LRP5: variants seen among roughly 807,000 people sequenced by gnomAD.
LRP5 encodes the protein low-density lipoprotein receptor-related protein 5.
A neutral mutation model predicts 154.1 loss-of-function variants in LRP5; 62 were observed. That is an observed-to-expected ratio of 0.40 (90% CI 0.33 to 0.50). The LOEUF (loss-of-function observed/expected upper bound fraction) is 0.50. Ranked by LOEUF, LRP5 falls within the 20% of genes least tolerant of loss-of-function variation. The pLI is 0.55. For missense variants in LRP5, 1,915 were observed against 2,336.7 expected (o/e 0.82, Z 3.72); for synonymous variants, 966 against 1,011.5 (o/e 0.96, Z 0.85).
At chr11:68,448,765 G>T (rs1479872521) in intron 22 of LRP5, 44 bp from the exon 23 acceptor site, 1 of 1,599,590 alleles carries the variant, frequency 6.3e-7, no homozygotes, top group South Asian at 1.1e-5. Flanking sequence ...CACCAGGGCG[G>T]ATGTGCCTAC....
intron 13 of LRP5, among the ~76,000 whole-genome samples, chr11:68,422,947 G>A (rs1353107650): frequency 1.3e-5 from 2 of 152,080 alleles, no homozygotes; most frequent in Non-Finnish European, 2.9e-5. Flanking sequence ...GTTGGGGAAG[G>A]GGTTGTAAGG....
chr11:68,403,995 C>T (rs1486452439), intron 8 of LRP5: 9 of 515,144 alleles, frequency 1.7e-5, no homozygotes, highest in Admixed American at 9.7e-5. Flanking sequence ...ACAGTGACCC[C>T]GTCTGCAAAT....
At chr11:68,338,879 T>TG (rs2098607227) in intron 1 of LRP5, among the ~76,000 whole-genome samples, 1 of 139,662 alleles carries the variant, frequency 7.2e-6, no homozygotes, top group Non-Finnish European at 1.5e-5. Context: ...TTTTTTTTTT[T>TG]TTTTTTTTTT....
chr11:68,308,256 G>GC (rs2098585154), upstream of LRP5, among the ~76,000 whole-genome samples: 1 of 151,714 alleles, frequency 6.6e-6, no homozygotes, highest in African/African-American at 2.4e-5. Context: ...CTGCCGGGTT[G>GC]GGGGGGGCTC....
At chr11:68,322,855 G>A (rs567796124) in intron 1 of LRP5, among the ~76,000 whole-genome samples, 1 of 152,308 alleles carries the variant, frequency 6.6e-6, no homozygotes, top group African/African-American at 2.4e-5. Context: ...TGCAGTAAGA[G>A]CCCATATTTC....
rs1423946007 is a variant in LRP5 at position 68,447,585 on chromosome 11, C to G, written c.4586+1052C>G. ...ACATCCACACTGGGCAGCCCAGTCT[C>G]GCTAGTTCCTCGTCCCACCTCCTGC... On this transcript the variant is annotated intron_variant, in intron 22 of 22. Coordinates refer to ENST00000294304, the MANE Select transcript of LRP5 (RefSeq NM_002335.4). This position sits in a 1 kb window ranked among gnomAD's most constrained non-coding sequence, Gnocchi z 4.3. 6.6e-6 allele frequency among the ~76,000 whole-genome samples: 1 copy of G among 152,172 alleles called. No homozygotes were observed. The highest frequency in any genetic ancestry group is 1.5e-5 in the Non-Finnish European group (1 of 68,030).
intron 1 of LRP5, among the ~76,000 whole-genome samples, chr11:68,317,457 GC>G (rs1351272625): frequency 6.6e-6 from 1 of 152,206 alleles, no homozygotes; most frequent in Admixed American, 6.5e-5. Flanking sequence ...TGAGCTCTGT[GC>G]TGGTTGCCCC....
At position 68,413,702 on chromosome 11, in the gene LRP5, C is replaced by A; in HGVS notation, c.2517C>A (p.Val839=). Residue 839 remains valine, a synonymous_variant, in exon 12 of 23, where the codon GTC becomes GTA. Transcript: ENST00000294304. This position sits in a 1 kb window ranked among gnomAD's most constrained non-coding sequence, Gnocchi z 5.1. ...GTGTTCATGCAGGTCAGGAGCGGGT[C>A]GTGATTGCCGACGATCTCCCGCACC... ...ESSNMLGQER[V]VIADDLPHPF... 6.2e-7 allele frequency: 1 copy of A among 1,613,722 alleles called. No individual in the cohort carries two copies. Among genetic ancestry groups the A allele is most frequent in the South Asian group, 1.1e-5 (1 of 91,060 alleles).
intron 7 of LRP5, among the ~76,000 whole-genome samples, chr11:68,399,743 G>A (rs75655249): frequency 0.031 from 4,731 of 152,278 alleles, 156 homozygotes; most frequent in Non-Finnish European, 0.039. Flanking sequence ...CTCCTGAGTC[G>A]GCCCAGAGGG....
At position 68,330,846 on chromosome 11, in the gene LRP5, G is replaced by A. The variant is rs1344694246; in HGVS notation, c.92-17001G>A. 4.6e-5 allele frequency among the ~76,000 whole-genome samples: 7 copies of A among 152,322 alleles called. No homozygotes were observed. In the South Asian group the frequency reaches 6.2e-4, roughly 14 times the overall value. ...TCTTATCCAGGAAATGGGGGGAGGC[G>A]GTCTGGGCCCAGGGAGGGGAGCATG... On this transcript the variant is annotated intron_variant, in intron 1 of 22. Transcript: ENST00000294304.
In LRP5 at chr11:68,357,760, T is replaced by C. The variant is rs2098624363; in HGVS notation, c.599T>C (p.Leu200Pro). ...VDSDIYWPNG[L>P]TIDLEEQKLY... is the part of the protein sequence containing the mutation. Reference sequence around the variant, plus strand: ...TCGGACATTTACTGGCCCAATGGACTGACCATCGACCTGGAGGAGCAGAAG... The same window carrying C: ...TCGGACATTTACTGGCCCAATGGACCGACCATCGACCTGGAGGAGCAGAAG... The change falls in exon 3 of 23, where the codon CTG (leucine) becomes CCG (proline). Residue 200 changes from leucine (L) to proline (P), a missense_variant. Transcript: ENST00000294304. 6.2e-7 allele frequency: 1 copy of C among 1,614,048 alleles called. No individual in the cohort carries two copies. Among genetic ancestry groups the C allele is most frequent in the Non-Finnish European group, 8.5e-7 (1 of 1,179,998 alleles).
chr11:68,393,305 C>T (rs2098647403), intron 7 of LRP5, among the ~76,000 whole-genome samples: 1 of 152,092 alleles, frequency 6.6e-6, no homozygotes, highest in African/African-American at 2.4e-5. Flanking sequence ...GTTTGAACAC[C>T]TGTTGTGAAT....
At chr11:68,396,567 A>G (rs1256721465) in intron 7 of LRP5, among the ~76,000 whole-genome samples, 1 of 152,180 alleles carries the variant, frequency 6.6e-6, no homozygotes, top group South Asian at 2.1e-4. Flanking sequence ...GGTCTATGAA[A>G]TGAGGTTTCA....
In LRP5 at chr11:68,439,922, G is replaced by T. The variant is rs751829465; in HGVS notation, c.4488+6G>T. ...AGGCCACGCTGTACCCGCCGGTGAGGGGCGGGGCCGGGGAGGGGCGGGGCG... is the reference window on the plus strand; with the variant it reads ...AGGCCACGCTGTACCCGCCGGTGAGTGGCGGGGCCGGGGAGGGGCGGGGCG... On this transcript the variant is annotated splice_donor_region_variant and intron_variant, in intron 21 of 22. Transcript: ENST00000294304. The T allele has an allele frequency of 4.4e-5, 67 of 1,539,004 alleles. No homozygotes were observed. The highest frequency in any genetic ancestry group is 5.5e-5 in the Non-Finnish European group (63 of 1,142,170).
intron 6 of LRP5, among the ~76,000 whole-genome samples, 197 bp from the exon 7 acceptor site, chr11:68,389,684 G>A (rs897400482): frequency 2.0e-5 from 3 of 151,870 alleles, no homozygotes; most frequent in East Asian, 1.9e-4. Context: ...ATTTACCAAC[G>A]CCAGCATCTA....
chr11:68,378,587 T>G (rs1455826361), intron 5 of LRP5, among the ~76,000 whole-genome samples: 1 of 151,924 alleles, frequency 6.6e-6, no homozygotes, highest in East Asian at 1.9e-4. Context: ...TTTCAGAGGC[T>G]TTTTTTTCCT....
At chr11:68,374,367 C>T (rs775786432) in intron 5 of LRP5, among the ~76,000 whole-genome samples, 8 of 152,174 alleles carry the variant, frequency 5.3e-5, no homozygotes, top group Non-Finnish European at 1.0e-4. Context: ...CCTGTGGGGC[C>T]GAGTCTGCCG....
At chr11:68,370,717 T>C (rs2098633583) in intron 5 of LRP5, among the ~76,000 whole-genome samples, 1 of 152,128 alleles carries the variant, frequency 6.6e-6, no homozygotes, top group African/African-American at 2.4e-5. Context: ...TACACATAAC[T>C]CAGTTGGAGC....
chr11:68,336,499 G>A (rs1362362308), intron 1 of LRP5, among the ~76,000 whole-genome samples: 1 of 151,748 alleles, frequency 6.6e-6, no homozygotes, highest in East Asian at 1.9e-4. Flanking sequence ...ACAGAGTTTT[G>A]CTTTTGTCAC....
Sources: gnomAD v4.1 joint callset for allele counts (sites outside exome capture counted in the v4.1 genomes callset) on GRCh38, gnomAD v4.1.1 for gene constraint, Gnocchi (gnomAD v3.1) non-coding constraint, MANE v1.5 for transcripts, NCBI Gene and HGNC (gene_info 2026-07-23, HGNC 2026-07-21) for gene names.